Variants in CSMD1 observed in about 807,000 individuals in gnomAD.
CSMD1 encodes CUB and Sushi multiple domains 1, also known as CUB and sushi domain-containing protein 1.
In CSMD1, 213 loss-of-function variants were observed where a neutral mutation model predicts 417.5. That is an observed-to-expected ratio of 0.51 (90% CI 0.46 to 0.57). CSMD1 has a LOEUF of 0.57. CSMD1 is among the 20% of genes least tolerant of loss of function. The pLI is 0.00. For synonymous variants in CSMD1, 2,862 were observed against 1,736.8 expected (o/e 1.65, Z -16.11); for missense variants, 6,923 against 4,529.7 (o/e 1.53, Z -15.17).
chr8:4,038,909 C>G (rs4507782), intron 3 of CSMD1, among the ~76,000 whole-genome samples: 1 of 151,982 alleles, frequency 6.6e-6, no homozygotes, highest in Non-Finnish European at 1.5e-5. Flanking sequence ...AAATTCCCTC[C>G]GTAACACTTA....
chr8:4,004,722 G>C (rs1444380402), intron 4 of CSMD1, among the ~76,000 whole-genome samples: 1 of 151,876 alleles, frequency 6.6e-6, no homozygotes, highest in Non-Finnish European at 1.5e-5. Context: ...TGAGATTGGT[G>C]ACTATTATTC....
At chr8:4,109,216 G>T (rs577085075) in intron 3 of CSMD1, among the ~76,000 whole-genome samples, 1 of 151,900 alleles carries the variant, frequency 6.6e-6, no homozygotes, top group Non-Finnish European at 1.5e-5. Flanking sequence ...GAATATTTTC[G>T]GTATAGACAC....
intron 6 of CSMD1, among the ~76,000 whole-genome samples, chr8:3,735,880 G>T (rs1312616248): frequency 1.3e-5 from 2 of 152,060 alleles, no homozygotes; most frequent in Admixed American, 6.6e-5. Context: ...CTAAATATAT[G>T]ACATAGAGTT....
intron 34 of CSMD1, among the ~76,000 whole-genome samples, chr8:3,189,493 AAACTAT>A (rs763171400): frequency 2.3e-4 from 35 of 152,366 alleles, no homozygotes; most frequent in Non-Finnish European, 4.4e-4. Context: ...TGAAGCAGGT[AAACTAT>A]AACTAACAAG....
chr8:4,882,438 G>A (rs1470125682), intron 1 of CSMD1, among the ~76,000 whole-genome samples: 1 of 151,408 alleles, frequency 6.6e-6, no homozygotes, highest in Non-Finnish European at 1.5e-5. Context: ...ATTCCGGAGG[G>A]AATTTGAAGA....
intron 8 of CSMD1, among the ~76,000 whole-genome samples, chr8:3,603,966 T>C (rs1801484048): frequency 6.6e-6 from 1 of 152,220 alleles, no homozygotes; most frequent in African/African-American, 2.4e-5. Flanking sequence ...CTTACAAGTT[T>C]ACCTGTAAAT....
At chr8:3,973,969 A>G (rs1190658115) in intron 5 of CSMD1, among the ~76,000 whole-genome samples, 4 of 152,230 alleles carry the variant, frequency 2.6e-5, no homozygotes, top group African/African-American at 7.2e-5. Flanking sequence ...CCATTCCCTC[A>G]AGCATTTATC....
chr8:3,428,053 C>G (rs144952172), intron 12 of CSMD1, among the ~76,000 whole-genome samples: 41 of 152,294 alleles, frequency 2.7e-4, no homozygotes, highest in African/African-American at 9.6e-4. Context: ...GTTGCGTCTA[C>G]CATTACTTAT....
In CSMD1 at chr8:3,681,043, C is replaced by T. The variant is rs201729182; in HGVS notation, c.1009+27371G>A. ...AGGTATTGATGGGACGTATCTCAAA[C>T]TAATAAGAGCTATTTAAGACAAACC... is the stretch of plus-strand genomic sequence containing the variant. On this transcript the variant is annotated intron_variant, in intron 7 of 69. Coordinates refer to ENST00000635120, the MANE Select transcript of CSMD1 (RefSeq NM_033225.6). Among the ~76,000 whole-genome samples the T allele has an allele frequency of 1.1e-4, 17 of 152,162 alleles. 1 individual carries two copies. In the East Asian group the frequency reaches 3.1e-3, roughly 28 times the overall value.
intron 10 of CSMD1, among the ~76,000 whole-genome samples, chr8:3,573,743 A>T (rs1800035358): frequency 6.6e-6 from 1 of 152,162 alleles, no homozygotes; most frequent in Non-Finnish European, 1.5e-5. Flanking sequence ...TGAAGAGATG[A>T]TCACTTAGAC....
chr8:4,046,789 G>A (rs1334694446), intron 3 of CSMD1, among the ~76,000 whole-genome samples: 1 of 152,142 alleles, frequency 6.6e-6, no homozygotes, highest in Non-Finnish European at 1.5e-5. Context: ...CACAGCCTGG[G>A]GAGCAAGTGA....
intron 3 of CSMD1, among the ~76,000 whole-genome samples, chr8:4,348,731 T>G (rs1800920708): frequency 6.6e-6 from 1 of 152,070 alleles, no homozygotes; most frequent in African/African-American, 2.4e-5. Flanking sequence ...ATCTTCGTCT[T>G]TAGGAAGACC....
At chr8:3,432,657 A>C (rs1409670598) in intron 12 of CSMD1, among the ~76,000 whole-genome samples, 1 of 152,048 alleles carries the variant, frequency 6.6e-6, no homozygotes, top group Non-Finnish European at 1.5e-5. Flanking sequence ...CTGGGACTAC[A>C]GGCGTGTGCC....
At chr8:4,373,256 TATG>T (rs1471054356) in intron 3 of CSMD1, among the ~76,000 whole-genome samples, 1 of 152,090 alleles carries the variant, frequency 6.6e-6, no homozygotes, top group Non-Finnish European at 1.5e-5. Context: ...CCTACGAAGG[TATG>T]ATAAGTAAAT....
chr8:4,122,710 C>A (rs1195592025), intron 3 of CSMD1, among the ~76,000 whole-genome samples: 1 of 152,096 alleles, frequency 6.6e-6, no homozygotes, highest in African/African-American at 2.4e-5. Context: ...AATGCTGTAA[C>A]CCAGGATTTT....
At chr8:4,198,673 G>C (rs117458293) in intron 3 of CSMD1, among the ~76,000 whole-genome samples, 1 of 152,026 alleles carries the variant, frequency 6.6e-6, no homozygotes, top group Non-Finnish European at 1.5e-5. Flanking sequence ...TCCAGATGGG[G>C]CTGGTAAAAC....
At chr8:4,351,896 C>A (rs1390474293) in intron 3 of CSMD1, among the ~76,000 whole-genome samples, 1 of 150,726 alleles carries the variant, frequency 6.6e-6, no homozygotes, top group Non-Finnish European at 1.5e-5. Flanking sequence ...TTACGCACTA[C>A]AGAAACCAAA....
chr8:3,090,645 G>C (rs148510702), intron 48 of CSMD1, among the ~76,000 whole-genome samples: 129 of 152,262 alleles, frequency 8.5e-4, no homozygotes, highest in African/African-American at 3.0e-3. Flanking sequence ...CACCAACACA[G>C]TAATAAACAA....
At chr8:4,222,774 C>G (rs1283465726) in intron 3 of CSMD1, among the ~76,000 whole-genome samples, 1 of 152,096 alleles carries the variant, frequency 6.6e-6, no homozygotes, top group Non-Finnish European at 1.5e-5. Context: ...GTTTAGCTCA[C>G]CGAGTCATCA....
Sources: allele counts gnomAD v4.1 joint callset (sites outside exome capture counted in the v4.1 genomes callset), GRCh38; gene constraint gnomAD v4.1.1; transcripts MANE v1.5; gene names NCBI Gene and HGNC (gene_info 2026-07-23, HGNC 2026-07-21).